The following CEP128 variants were observed in gnomAD, a reference collection of about 807,000 sequenced individuals.
CEP128 encodes the protein centrosomal protein 128.
A neutral mutation model predicts 156.7 loss-of-function variants in CEP128; 132 were observed. That is an observed-to-expected ratio of 0.84 (90% CI 0.73 to 0.97). The LOEUF (loss-of-function observed/expected upper bound fraction) is 0.97, where lower values mean the gene tolerates loss of function less well. Ranked by LOEUF, CEP128 falls within the 50% of genes least tolerant of loss-of-function variation. CEP128 has a pLI of 0.00. For missense variants in CEP128, 1,252 were observed against 1,281.9 expected, an observed-to-expected ratio of 0.98 and a Z score of 0.36; for synonymous variants, 469 against 448.9, an observed-to-expected ratio of 1.04 and a Z score of -0.57.
rs949090628 is a variant in CEP128 at position 80,761,587 on chromosome 14, C to T, written c.2403G>A (p.Glu801=). The change falls in exon 17 of 25, where the codon GAG becomes GAA. Residue 801 remains glutamate, a synonymous_variant. Coordinates refer to ENST00000555265, the MANE Select transcript of CEP128 (RefSeq NM_152446.5). Reference sequence around the variant, plus strand: ...TGGCCTCTTCCATCCTCCTTAAGTGCTCCTCTTCAATGCTTATATGTTTTT... The same window carrying T: ...TGGCCTCTTCCATCCTCCTTAAGTGTTCCTCTTCAATGCTTATATGTTTTT... The part of the protein sequence containing the change: ...EREKHISIEE[E]HLRRMEEARL... 1.2e-6 allele frequency: 2 copies of T among 1,608,592 alleles called. No individual in the cohort carries two copies. The highest frequency in any genetic ancestry group is 1.7e-6 in the Non-Finnish European group (2 of 1,176,580).
chr14:80,497,635 C>T (rs1887548891), intron 24 of CEP128, 53 bp from the exon 25 acceptor site: 1 of 1,218,886 alleles, frequency 8.2e-7, no homozygotes, highest in African/African-American at 1.5e-5. Flanking sequence ...ATAAAACTGG[C>T]CTAAAAAATT....
intron 19 of CEP128, among the ~76,000 whole-genome samples, chr14:80,607,539 G>C (rs1001078169): frequency 4.6e-5 from 7 of 152,108 alleles, no homozygotes; most frequent in African/African-American, 1.7e-4. Context: ...TAAAAGTCTT[G>C]CAAGTTCCTT....
intron 19 of CEP128, among the ~76,000 whole-genome samples, chr14:80,689,565 T>A (rs1329050296): frequency 6.6e-6 from 1 of 152,224 alleles, no homozygotes; most frequent in African/African-American, 2.4e-5. Flanking sequence ...TACAACTGTA[T>A]TTAAATAATA....
At chr14:80,859,330 A>G (rs1388996305) in intron 9 of CEP128, among the ~76,000 whole-genome samples, 2 of 145,446 alleles carry the variant, frequency 1.4e-5, no homozygotes, top group African/African-American at 5.0e-5. Context: ...TCTCACTCAT[A>G]GGTGGGAATT....
At position 80,781,492 on chromosome 14, in the gene CEP128, A is replaced by AGTAAG. The variant is rs1339782878; in HGVS notation, c.2211+3398_2211+3402dup. The stretch of plus-strand genomic sequence containing the variant: ...AAAAAAAAAGTAATGAATGTACATG[A>AGTAAG]GTAAGGTAGAATCATTTCAAGGGGG... On this transcript the variant is annotated intron_variant, in intron 15 of 24. Transcript: ENST00000555265. Among the ~76,000 whole-genome samples, 5 of 149,774 alleles carry AGTAAG rather than the reference A, an allele frequency of 3.3e-5. No individual in the cohort carries two copies. In the East Asian group the frequency reaches 9.9e-4, roughly 30 times the overall value.
chr14:80,635,108 C>T (rs1479341217), intron 19 of CEP128, among the ~76,000 whole-genome samples: 1 of 152,138 alleles, frequency 6.6e-6, no homozygotes, highest in Non-Finnish European at 1.5e-5. Flanking sequence ...TTGGCCTGCT[C>T]GTTCTAGCTA....
chr14:80,773,618 T>C (rs1236915747), intron 16 of CEP128, among the ~76,000 whole-genome samples: 7 of 152,190 alleles, frequency 4.6e-5, no homozygotes, highest in African/African-American at 1.4e-4. Context: ...TGCAGATCCA[T>C]ATAGATCAGG....
chr14:80,793,109 T>G lies in CEP128; in HGVS notation c.1211A>C (p.Asn404Thr), dbSNP rs369453103. 3.4e-5 allele frequency: 55 copies of G among 1,606,830 alleles called. No individual in the cohort carries two copies. In the African/African-American group the frequency reaches 5.9e-4, roughly 17 times the overall value. The change falls in exon 14 of 25, where the codon AAT (asparagine) becomes ACT (threonine). Residue 404 changes from asparagine (N) to threonine (T), a missense_variant and splice_region_variant. Coordinates refer to ENST00000555265, the MANE Select transcript of CEP128 (RefSeq NM_152446.5). The part of the protein sequence containing the change: ...EKAHLASQVE[N>T]LTRELENGEK... Reference sequence around the variant, plus strand: ...CCCATTCTCCAGTTCACGTGTTAAATTCTACGAATAAAGCATGCAAAACAT... The same window carrying G: ...CCCATTCTCCAGTTCACGTGTTAAAGTCTACGAATAAAGCATGCAAAACAT...
At chr14:80,559,179 G>A (rs1890564057) in intron 21 of CEP128, 100 bp downstream of exon 21, 8 of 1,090,694 alleles carry the variant, frequency 7.3e-6, no homozygotes, top group African/African-American at 1.6e-5. Context: ...TGTAGTTTTC[G>A]AAATGATTTC....
intron 2 of CEP128, among the ~76,000 whole-genome samples, chr14:80,957,144 C>T (rs1354732911): frequency 6.6e-6 from 1 of 152,128 alleles, no homozygotes; most frequent in Non-Finnish European, 1.5e-5. Flanking sequence ...CCTTTCTTCC[C>T]ACTTTCTGGC....
chr14:80,794,970 A>T (rs1883381445), intron 13 of CEP128, among the ~76,000 whole-genome samples: 1 of 152,180 alleles, frequency 6.6e-6, no homozygotes, highest in Non-Finnish European at 1.5e-5. Context: ...GCTGTATATG[A>T]ATTACCTCAT....
intron 9 of CEP128, among the ~76,000 whole-genome samples, chr14:80,845,859 T>C (rs1363082745): frequency 2.6e-5 from 4 of 152,202 alleles, no homozygotes; most frequent in Non-Finnish European, 4.4e-5. Flanking sequence ...ATGGGCTTTA[T>C]AAACAGATGG....
chr14:80,775,583 A>T (rs1900745276), intron 16 of CEP128, among the ~76,000 whole-genome samples: 2 of 152,260 alleles, frequency 1.3e-5, no homozygotes, highest in South Asian at 4.1e-4. Flanking sequence ...TTAACAACTG[A>T]AAGAGATTTT....
chr14:80,810,404 A>G (rs1007168024), intron 13 of CEP128, among the ~76,000 whole-genome samples: 5 of 149,900 alleles, frequency 3.3e-5, no homozygotes, highest in Non-Finnish European at 7.5e-5. Flanking sequence ...AAAAACTCAC[A>G]TATCAATAAT....
chr14:80,646,272 G>C (rs1595143551), intron 19 of CEP128, among the ~76,000 whole-genome samples: 1 of 152,068 alleles, frequency 6.6e-6, no homozygotes, highest in Admixed American at 6.6e-5. Flanking sequence ...ACTGATAATG[G>C]GAGAGGCTGT....
intron 20 of CEP128, among the ~76,000 whole-genome samples, chr14:80,562,655 C>CTTTTTTT (rs1170778718): frequency 6.0e-4 from 69 of 114,364 alleles, no homozygotes; most frequent in African/African-American, 8.5e-4. Flanking sequence ...CTTTTCTTTT[C>CTTTTTTT]TTTTTTTTTT....
chr14:80,549,236 T>C (rs955423335), intron 21 of CEP128, among the ~76,000 whole-genome samples: 4 of 152,146 alleles, frequency 2.6e-5, no homozygotes, highest in African/African-American at 9.7e-5. Context: ...TAGACTAACA[T>C]TAGAGCAGTG....
Position 80,792,992 on chromosome 14 carries a change from T to A in CEP128, c.1328A>T (p.Gln443Leu). Reference sequence around the variant, plus strand: ...CGCATGGCGAGTCAGCTCTGAGATCTGAAGGTCAGCATGCTTACGCTCGGC... The same window carrying A: ...CGCATGGCGAGTCAGCTCTGAGATCAGAAGGTCAGCATGCTTACGCTCGGC... ...CEAERKHADLQISELTRHAED... is the reference protein window; with the variant it reads ...CEAERKHADLLISELTRHAED... The change falls in exon 14 of 25, where the codon CAG becomes CTG. Residue 443 changes from glutamine (Q) to leucine (L), a missense_variant. Physicochemically the swap from Gln to Leu is moderately radical, Grantham distance 113. Transcript: ENST00000555265. 6.2e-7 allele frequency: 1 copy of A among 1,614,196 alleles called. No homozygotes were observed. The highest frequency in any genetic ancestry group is 8.5e-7 in the Non-Finnish European group (1 of 1,180,036).
Position 80,607,242 on chromosome 14 carries a change from A to G in CEP128, c.2807-26819T>C, listed in dbSNP as rs1320220438. Among the ~76,000 whole-genome samples the G allele has an allele frequency of 2.6e-5, 4 of 152,212 alleles. No individual in the cohort carries two copies. In the East Asian group the frequency reaches 7.7e-4, roughly 29 times the overall value. On this transcript the variant is annotated intron_variant, in intron 19 of 24. Coordinates refer to ENST00000555265, the MANE Select transcript of CEP128 (RefSeq NM_152446.5). ...TAACTCATTTTCAAAATAAGTATGT[A>G]CTCTAAATAGGTATAAATTGATAAA...
Sources: gnomAD v4.1 joint callset for allele counts (sites outside exome capture counted in the v4.1 genomes callset) on GRCh38, gnomAD v4.1.1 for gene constraint, MANE v1.5 for transcripts, NCBI Gene and HGNC (gene_info 2026-07-23, HGNC 2026-07-21) for gene names.